CPZ: variants seen among roughly 807,000 people sequenced by gnomAD.
CPZ encodes the protein carboxypeptidase Z.
Under a neutral mutation model 61.8 loss-of-function variants are expected in CPZ, and 103 were observed. That is an observed-to-expected ratio of 1.67 (90% CI 1.42 to 1.96). The LOEUF (loss-of-function observed/expected upper bound fraction) is 1.96, where lower values mean the gene tolerates loss of function less well. Ranked by LOEUF, CPZ falls within the 30% of genes most tolerant of loss-of-function variation. CPZ has a pLI of 0.00. For missense variants in CPZ, 1,461 were observed against 914.9 expected, an observed-to-expected ratio of 1.60 and a Z score of -7.70; for synonymous variants, 551 against 373.7, an observed-to-expected ratio of 1.47 and a Z score of -5.47.
At chr4:8,611,115 G>A (rs1715637986) in intron 7 of CPZ, 1 of 419,986 alleles carries the variant, frequency 2.4e-6, no homozygotes, top group African/African-American at 2.1e-5. Flanking sequence ...CACTCACTGG[G>A]CCCTGCCTGT....
In CPZ at chr4:8,606,791, C is replaced by G. The variant is rs1715052475; in HGVS notation, c.961C>G (p.Leu321Val). 1.2e-6 allele frequency: 2 copies of G among 1,614,068 alleles called. No individual in the cohort carries two copies. Among genetic ancestry groups the G allele is most frequent in the African/African-American group, 1.3e-5 (1 of 74,938 alleles). ...SGRQNAQNLD[L>V]NRNFPDLTSE... Reference sequence around the variant, plus strand: ...GAGGCAGAACGCGCAGAACCTGGATCTGAACCGAAATTTCCCGGACCTGAC... The same window carrying G: ...GAGGCAGAACGCGCAGAACCTGGATGTGAACCGAAATTTCCCGGACCTGAC... Residue 321 changes from leucine to valine, a missense_variant, in exon 6 of 11, where the codon CTG (leucine) becomes GTG (valine). Transcript: ENST00000360986.
intron 5 of CPZ, 114 bp downstream of exon 5, chr4:8,606,299 A>C: frequency 9.5e-7 from 1 of 1,051,994 alleles, no homozygotes; most frequent in East Asian, 2.6e-5. Context: ...CTAGGAGAGG[A>C]GCATTCAGCA....
intron 5 of CPZ, 83 bp from the exon 6 acceptor site, chr4:8,606,654 C>G (rs1165290920): frequency 5.7e-6 from 9 of 1,566,518 alleles, no homozygotes; most frequent in Non-Finnish European, 7.9e-6. Context: ...GGCCTTGACC[C>G]TCAGCCCAGC....
chr4:8,594,421 G>A (rs1714028914), intron 1 of CPZ, among the ~76,000 whole-genome samples: 1 of 152,192 alleles, frequency 6.6e-6, no homozygotes, highest in African/African-American at 2.4e-5. Flanking sequence ...CTGGAGCCTG[G>A]GGACGGAGGT....
rs199906050 is a variant in CPZ, at chr4:8,606,775, C to G, written c.945C>G (p.Asn315Lys). Reference protein sequence around the residue: ...GYNGWTSGRQNAQNLDLNRNF... With the variant: ...GYNGWTSGRQKAQNLDLNRNF... ...ACGGGTGGACGAGCGGGAGGCAGAA[C>G]GCGCAGAACCTGGATCTGAACCGAA... The change falls in exon 6 of 11, where the codon AAC becomes AAG. Residue 315 changes from asparagine to lysine, a missense_variant. Transcript: ENST00000360986. 6.2e-7 allele frequency: 1 copy of G among 1,614,148 alleles called. No homozygotes were observed. Among genetic ancestry groups the G allele is most frequent in the East Asian group, 2.2e-5 (1 of 44,886 alleles).
Position 8,606,914 on chromosome 4 carries a change from G to A in CPZ, c.1068+16G>A, listed in dbSNP as rs954330478. 9 of 1,580,766 alleles carry A rather than the reference G, an allele frequency of 5.7e-6. No individual in the cohort carries two copies. Among genetic ancestry groups the A allele is most frequent in the Non-Finnish European group, 7.7e-6 (9 of 1,163,580 alleles). On this transcript the variant is annotated intron_variant, in intron 6 of 10. Transcript: ENST00000360986. ...GTGGGGTAAGGTAGGAGCCGCCGCT[G>A]CCCATGCTGGTCTCCACCAAGGCAT...
At chr4:8,607,158 C>G in intron 6 of CPZ, 109 bp from the exon 7 acceptor site, 2 of 1,336,714 alleles carry the variant, frequency 1.5e-6, no homozygotes, top group Non-Finnish European at 2.0e-6. Context: ...ATGTAGAGAC[C>G]GTTAATAGTC....
At chr4:8,605,917 G>GTGGGGGGGCCTCATGCCTT (rs1424694529) in intron 4 of CPZ, 72 bp from the exon 5 acceptor site, 13 of 1,477,974 alleles carry the variant, frequency 8.8e-6, no homozygotes, top group Non-Finnish European at 1.1e-5. Flanking sequence ...TTCTTGCTGA[G>GTGGGGGGGCCTCATGCCTT]TGGGGGGGCC....
At chr4:8,594,508 C>G (rs569701547) in intron 1 of CPZ, among the ~76,000 whole-genome samples, 1 of 152,180 alleles carries the variant, frequency 6.6e-6, no homozygotes, top group African/African-American at 2.4e-5. Flanking sequence ...GATGGCCTGA[C>G]CTCTCTGACC....
At chr4:8,612,284 G>C in intron 8 of CPZ, 122 bp downstream of exon 8, 1 of 834,270 alleles carries the variant, frequency 1.2e-6, no homozygotes, top group Non-Finnish European at 1.8e-6. Context: ...CGGAAGACAG[G>C]GCGATGCCTC....
intron 1 of CPZ, among the ~76,000 whole-genome samples, chr4:8,596,251 C>T (rs1031928874): frequency 2.0e-5 from 3 of 152,192 alleles, no homozygotes; most frequent in Non-Finnish European, 4.4e-5. Flanking sequence ...GGGGTTTCAC[C>T]ATGTTGGCCA....
intron 6 of CPZ, 114 bp from the exon 7 acceptor site, chr4:8,607,153 G>GAGACC: frequency 7.7e-7 from 1 of 1,303,736 alleles, no homozygotes; most frequent in South Asian, 1.5e-5. Flanking sequence ...CGTTGATGTA[G>GAGACC]AGACCGTTAA....
intron 2 of CPZ, among the ~76,000 whole-genome samples, chr4:8,600,765 G>A (rs531251641): frequency 2.6e-5 from 4 of 152,378 alleles, no homozygotes; most frequent in Admixed American, 2.6e-4. Context: ...TTTGTGCTGC[G>A]GCTGTGGCTC....
chr4:8,601,566 C>T, intron 3 of CPZ, 69 bp downstream of exon 3: 1 of 1,388,668 alleles, frequency 7.2e-7, no homozygotes, highest in Non-Finnish European at 9.4e-7. Context: ...AAGAGCCACA[C>T]TGGAAGGAAC....
chr4:8,618,844 T>C (rs1327994896), intron 10 of CPZ, among the ~76,000 whole-genome samples: 1 of 152,230 alleles, frequency 6.6e-6, no homozygotes, highest in Non-Finnish European at 1.5e-5. Flanking sequence ...TGTTTGTTTC[T>C]ATCCCAAAGT....
chr4:8,618,137 T>C (rs957495772), intron 9 of CPZ: 2 of 392,972 alleles, frequency 5.1e-6, no homozygotes, highest in Non-Finnish European at 9.4e-6. Flanking sequence ...CAGGAAAGGG[T>C]TCTCTGCTCA....
chr4:8,616,691 T>C (rs1257137123), intron 9 of CPZ, among the ~76,000 whole-genome samples: 1 of 151,790 alleles, frequency 6.6e-6, no homozygotes, highest in Non-Finnish European at 1.5e-5. Flanking sequence ...AGCCACAGGG[T>C]GGGGTGGCTG....
intron 3 of CPZ, chr4:8,602,641 G>C (rs1199664069): frequency 6.6e-6 from 1 of 152,328 alleles, no homozygotes; most frequent in Non-Finnish European, 1.5e-5. Flanking sequence ...TCTTTAGCTG[G>C]AGTGGCCCAA....
chr4:8,619,169 T>C (rs959824953), intron 10 of CPZ, 93 bp from the exon 11 acceptor site: 3 of 1,148,278 alleles, frequency 2.6e-6, no homozygotes, highest in Admixed American at 2.5e-5. Flanking sequence ...CTGCCTCCCA[T>C]GCTAACCTCT....
Sources: gnomAD v4.1 joint callset for allele counts (sites outside exome capture counted in the v4.1 genomes callset) on GRCh38, gnomAD v4.1.1 for gene constraint, MANE v1.5 for transcripts, NCBI Gene and HGNC (gene_info 2026-07-23, HGNC 2026-07-21) for gene names.